Variants in CSF2RB observed in about 807,000 individuals in gnomAD.
CSF2RB encodes colony stimulating factor 2 receptor subunit beta, also known as cytokine receptor common subunit beta.
CSF2RB carries 22 observed loss-of-function variants against 67.2 expected under a neutral mutation model. The ratio of observed to expected loss-of-function variants is 0.33; its 90% CI spans 0.23 to 0.47. CSF2RB has a LOEUF of 0.47. CSF2RB is among the 20% of genes least tolerant of loss of function. CSF2RB has a pLI of 1.00. For missense variants in CSF2RB, 1,113 were observed against 1,174.5 expected (o/e 0.95, Z 0.76); for synonymous variants, 507 against 482.9 (o/e 1.05, Z -0.65).
At position 36,933,998 on chromosome 22, in the gene CSF2RB, G is replaced by T; in HGVS notation, c.1315+4G>T. ...CGCTCCTGGGACACCGAGTCGGGTA[G>T]GTGAAGGCTGGAGTCCAGAGCTTCT... On this transcript the variant is annotated splice_donor_region_variant and intron_variant, in intron 10 of 13. Transcript: ENST00000403662. The T allele has an allele frequency of 6.2e-7, 1 of 1,611,950 alleles. No individual in the cohort carries two copies. The highest frequency in any genetic ancestry group is 8.5e-7 in the Non-Finnish European group (1 of 1,179,978).
chr22:36,916,653 T>C (rs933964394), intron 1 of CSF2RB, among the ~76,000 whole-genome samples: 7 of 152,100 alleles, frequency 4.6e-5, no homozygotes, highest in African/African-American at 1.4e-4. Flanking sequence ...AAGTTGGACG[T>C]TCAAGACCAG....
chr22:36,925,818 G>A lies in CSF2RB; in HGVS notation c.201-169G>A, dbSNP rs6000488. Among the ~76,000 whole-genome samples, 17,621 of 152,124 alleles carry A rather than the reference G, an allele frequency of 0.12. 1,221 individuals are homozygous for A. The highest frequency in any genetic ancestry group is 0.19 in the Middle Eastern group (55 of 292). On this transcript the variant is annotated intron_variant, in intron 3 of 13. Coordinates refer to ENST00000403662, the MANE Select transcript of CSF2RB (RefSeq NM_000395.3). The stretch of plus-strand genomic sequence containing the variant: ...ACACGCTACACACTTTGTTCCATGC[G>A]GGTCCCCTTCTCCCAGGATGGCAGC...
chr22:36,929,841 G>A (rs1316372277), intron 6 of CSF2RB, 34 bp downstream of exon 6: 1 of 1,605,208 alleles, frequency 6.2e-7, no homozygotes, highest in South Asian at 1.1e-5. Context: ...ATGCCCCGTG[G>A]TGGGAGGGCA....
intron 1 of CSF2RB, among the ~76,000 whole-genome samples, chr22:36,914,175 C>T (rs2075727): frequency 0.45 from 68,243 of 151,864 alleles, 17,535 homozygotes; most frequent in East Asian, 0.56. Context: ...TGTGTTTGCC[C>T]GTGTGTGCAT....
intron 4 of CSF2RB, among the ~76,000 whole-genome samples, chr22:36,928,758 G>A (rs1377354947): frequency 6.6e-6 from 1 of 152,154 alleles, no homozygotes. Context: ...CTGAGAAGCC[G>A]CATCTCAGCC....
In CSF2RB at chr22:36,937,593, G is replaced by T. The variant is rs1243326171; in HGVS notation, c.1785G>T (p.Gly595=). Residue 595 remains glycine, a synonymous_variant, in exon 14 of 14, where the codon GGG becomes GGT. Transcript: ENST00000403662. The surrounding 1 kb of genome is among the most constrained non-coding windows in gnomAD (Gnocchi z 4.6). ...SSFDFNGPYL[G]PPHSRSLPDI... The stretch of plus-strand genomic sequence containing the variant: ...TTGACTTCAATGGGCCCTACCTGGG[G>T]CCGCCCCACAGCCGCTCCCTACCTG... 11 of 1,595,544 alleles carry T rather than the reference G, an allele frequency of 6.9e-6. No homozygotes were observed. Among genetic ancestry groups the T allele is most frequent in the Non-Finnish European group, 9.4e-6 (11 of 1,171,272 alleles).
At chr22:36,936,072 T>G (rs1941259850) in intron 12 of CSF2RB, among the ~76,000 whole-genome samples, 1 of 152,136 alleles carries the variant, frequency 6.6e-6, no homozygotes, top group South Asian at 2.1e-4. Flanking sequence ...GTGGCAAAAG[T>G]TGCTCTGGCT....
chr22:36,936,276 G>C (rs1247223772), intron 12 of CSF2RB, among the ~76,000 whole-genome samples: 1 of 152,086 alleles, frequency 6.6e-6, no homozygotes, highest in Non-Finnish European at 1.5e-5. Flanking sequence ...GTGTGGAGGA[G>C]AAATGGGGGT....
At position 36,938,116 on chromosome 22, in the gene CSF2RB, C is replaced by T. The variant is rs759650297; in HGVS notation, c.2308C>T (p.Pro770Ser). 1 of 1,614,048 alleles carries T rather than the reference C, an allele frequency of 6.2e-7. No individual in the cohort carries two copies. The highest frequency in any genetic ancestry group is 8.5e-7 in the Non-Finnish European group (1 of 1,179,984). ...AGGGTTTGAGGGCTATGTGGAGCTC[C>T]CTCCAATTGAGGGCCGGTCCCCCAG... Reference protein sequence around the residue: ...KSGFEGYVELPPIEGRSPRSP... With the variant: ...KSGFEGYVELSPIEGRSPRSP... The change falls in exon 14 of 14, where the codon CCT becomes TCT. Residue 770 changes from proline to serine, a missense_variant. Physicochemically the swap from Pro to Ser is moderately conservative, Grantham distance 74. This residue lies in a region of CSF2RB where 554 missense variants were observed against 517.9 expected (regional missense o/e 1.07). Transcript: ENST00000403662.
At chr22:36,935,467 G>C (rs761389645) in intron 11 of CSF2RB, 26 bp downstream of exon 11, 1 of 1,611,880 alleles carries the variant, frequency 6.2e-7, no homozygotes, top group African/African-American at 1.3e-5. Context: ...GGGGCTGGAG[G>C]TGGCAGCCGA....
Position 36,938,538 on chromosome 22 carries a change from G to A in CSF2RB, c.*36G>A, listed in dbSNP as rs758091180. The A allele has an allele frequency of 3.8e-6, 6 of 1,577,566 alleles. No individual in the cohort carries two copies. The African/African-American group carries it at 8.2e-5, about 21-fold the overall frequency. On this transcript the variant is annotated 3_prime_UTR_variant, in exon 14 of 14. Transcript: ENST00000403662. ...CCTAGACAGGCAAGGGGATGGAGAG[G>A]GCTTGCCTTCCCTCCCGCCTGACCT...
chr22:36,918,894 T>G (rs949014399), intron 1 of CSF2RB, among the ~76,000 whole-genome samples: 4 of 152,162 alleles, frequency 2.6e-5, no homozygotes, highest in African/African-American at 9.7e-5. Context: ...AACCTCATGG[T>G]CCAAAATAGC....
Position 36,930,839 on chromosome 22 carries a change from G to T in CSF2RB, c.1012+9G>T, listed in dbSNP as rs1253111835. 2 of 1,614,150 alleles carry T rather than the reference G, an allele frequency of 1.2e-6. No homozygotes were observed. Among genetic ancestry groups the T allele is most frequent in the Admixed American group, 1.7e-5 (1 of 60,032 alleles). On this transcript the variant is annotated intron_variant, in intron 8 of 13. Transcript: ENST00000403662. ...AAAGAGCTCAGTGAACAGTGAGTTT[G>T]CTCCTAGCCCGCTGTGGGGATGGTC...
In CSF2RB at chr22:36,937,815, G is replaced by C. The variant is rs533611201; in HGVS notation, c.2007G>C (p.Glu669Asp). 1.2e-6 allele frequency: 2 copies of C among 1,602,476 alleles called. No homozygotes were observed. Among genetic ancestry groups the C allele is most frequent in the South Asian group, 2.2e-5 (2 of 89,772 alleles). The stretch of plus-strand genomic sequence containing the variant: ...GGGCTGCAGGGAGTCCCTCCCTGGA[G>C]TCCGGGGGAGGCCCTGCCCCTCCTG... ...SQGAAGSPSLESGGGPAPPAL... is the reference protein window; with the variant it reads ...SQGAAGSPSLDSGGGPAPPAL... Residue 669 changes from glutamate (E) to aspartate (D), a missense_variant, in exon 14 of 14, where the codon GAG (glutamate) becomes GAC (aspartate). By Grantham distance (45) the Glu-to-Asp change is conservative. Transcript: ENST00000403662. This position sits in a 1 kb window ranked among gnomAD's most constrained non-coding sequence, Gnocchi z 4.6.
chr22:36,916,941 T>G (rs1287504331), intron 1 of CSF2RB, among the ~76,000 whole-genome samples: 2 of 152,186 alleles, frequency 1.3e-5, no homozygotes, highest in Non-Finnish European at 2.9e-5. Flanking sequence ...AATTTAGAGA[T>G]GATCTGAGGG....
Position 36,933,879 on chromosome 22 carries a change from A to C in CSF2RB, c.1200A>C (p.Pro400=). The C allele has an allele frequency of 6.2e-7, 1 of 1,611,058 alleles. No individual in the cohort carries two copies. Among genetic ancestry groups the C allele is most frequent in the African/African-American group, 1.3e-5 (1 of 74,974 alleles). ...AGAACGCCCACAGCATGGCCCTGCC[A>C]GCCCTGGAGCCCTCCACCAGGTACT... is the stretch of plus-strand genomic sequence containing the variant. The part of the protein sequence containing the change: ...TLQNAHSMAL[P]ALEPSTRYWA... Residue 400 remains proline, a synonymous_variant, in exon 10 of 14, where the codon CCA becomes CCC. Coordinates refer to ENST00000403662, the MANE Select transcript of CSF2RB (RefSeq NM_000395.3).
Position 36,939,444 on chromosome 22 carries a change from ACT to A in CSF2RB, c.*946_*947del. On this transcript the variant is annotated 3_prime_UTR_variant, in exon 14 of 14. Coordinates refer to ENST00000403662, the MANE Select transcript of CSF2RB (RefSeq NM_000395.3). Reference sequence around the variant, plus strand: ...GCCACTCTTCCAGATAGACCAGGCAACTCTCCCTCCCACCGGCCACAGATGAG... The same window carrying A: ...GCCACTCTTCCAGATAGACCAGGCAACTCCCTCCCACCGGCCACAGATGAG... The A allele has an allele frequency of 1.8e-6, 1 of 555,556 alleles. No individual in the cohort carries two copies. Among genetic ancestry groups the A allele is most frequent in the Non-Finnish European group, 3.2e-6 (1 of 308,824 alleles). 34.4% of individuals were successfully genotyped at this position (555,556 alleles called of 1,614,324 possible). A position where few individuals can be genotyped will look rare whatever the true frequency, so the allele number is the denominator to read the frequency against.
chr22:36,936,789 C>A, intron 13 of CSF2RB, 137 bp downstream of exon 13: 1 of 681,514 alleles, frequency 1.5e-6, no homozygotes, highest in Non-Finnish European at 2.5e-6. Flanking sequence ...TGCACTAAAG[C>A]AGGAGGCACC....
rs1941323608 is a variant in CSF2RB at position 36,938,447 on chromosome 22, A to G, written c.2639A>G (p.Gln880Arg). The G allele has an allele frequency of 6.2e-7, 1 of 1,614,048 alleles. No homozygotes were observed. Among genetic ancestry groups the G allele is most frequent in the African/African-American group, 1.3e-5 (1 of 74,926 alleles). Residue 880 changes from glutamine (Q) to arginine (R), a missense_variant, in exon 14 of 14, where the codon CAG becomes CGG. Physicochemically the swap from Gln to Arg is conservative, Grantham distance 43. Around this residue, in one of 2 missense-constraint regions of CSF2RB, gnomAD observed 554 missense variants for 517.9 expected, o/e 1.07. Coordinates refer to ENST00000403662, the MANE Select transcript of CSF2RB (RefSeq NM_000395.3). ...VIQLFKALKQ[Q>R]DYLSLPPWEV... is the part of the protein sequence containing the mutation. ...CAGCTCTTCAAAGCCCTGAAGCAGCAGGACTACCTGTCTCTGCCCCCTTGG... is the reference window on the plus strand; with the variant it reads ...CAGCTCTTCAAAGCCCTGAAGCAGCGGGACTACCTGTCTCTGCCCCCTTGG...
Sources: allele counts gnomAD v4.1 joint callset (sites outside exome capture counted in the v4.1 genomes callset), GRCh38; gene constraint gnomAD v4.1.1; regional missense constraint gnomAD v4.1.1; non-coding constraint Gnocchi (gnomAD v3.1); transcripts MANE v1.5; gene names NCBI Gene and HGNC (gene_info 2026-07-23, HGNC 2026-07-21).